GXYLT1: variants seen among roughly 807,000 people sequenced by gnomAD.
GXYLT1 encodes the protein glycosyltransferase 8 domain containing 3.
In GXYLT1, 29 loss-of-function variants were observed where a neutral mutation model predicts 54.0. The ratio of observed to expected loss-of-function variants is 0.54; its 90% CI spans 0.40 to 0.73. The LOEUF (loss-of-function observed/expected upper bound fraction) is 0.73. Among genes scored for constraint, GXYLT1 ranks in the 30% least tolerant of loss-of-function variants. The pLI is 0.00. For missense variants in GXYLT1, 490 were observed against 553.4 expected (o/e 0.89, Z 1.15); for synonymous variants, 176 against 204.1 (o/e 0.86, Z 1.17).
chr12:42,095,173 A>G (rs1043414811), intron 7 of GXYLT1, among the ~76,000 whole-genome samples: 44 of 152,236 alleles, frequency 2.9e-4, no homozygotes, highest in Non-Finnish European at 4.6e-4. Flanking sequence ...GATGTGGGGA[A>G]CAGACTGTCT....
At chr12:42,106,507 C>T (rs988319628) in intron 4 of GXYLT1, among the ~76,000 whole-genome samples, 6 of 152,028 alleles carry the variant, frequency 3.9e-5, no homozygotes, top group Non-Finnish European at 4.4e-5. Flanking sequence ...TACATCATTT[C>T]GGTTTCAACT....
chr12:42,140,111 G>T (rs946039038), intron 1 of GXYLT1, among the ~76,000 whole-genome samples: 1 of 149,000 alleles, frequency 6.7e-6, no homozygotes, highest in African/African-American at 2.5e-5. Flanking sequence ...AACCCGGGAG[G>T]CGGAGCTTGC....
At chr12:42,091,497 AC>A (rs2065329251) in intron 7 of GXYLT1, among the ~76,000 whole-genome samples, 1 of 152,114 alleles carries the variant, frequency 6.6e-6, no homozygotes, top group Non-Finnish European at 1.5e-5. Context: ...AAGTCTCAGA[AC>A]CCCACAAGCA....
At chr12:42,095,291 A>T (rs1434380659) in intron 7 of GXYLT1, among the ~76,000 whole-genome samples, 1 of 152,188 alleles carries the variant, frequency 6.6e-6, no homozygotes, top group African/African-American at 2.4e-5. Flanking sequence ...TCACCTTCCA[A>T]CAATACAAAT....
At chr12:42,088,255 G>A (rs1398338588) in intron 7 of GXYLT1, among the ~76,000 whole-genome samples, 1 of 151,494 alleles carries the variant, frequency 6.6e-6, no homozygotes, top group South Asian at 2.1e-4. Flanking sequence ...ACTAATAAAA[G>A]GTGGACTGGC....
intron 5 of GXYLT1, among the ~76,000 whole-genome samples, chr12:42,100,133 A>G (rs552845130): frequency 3.9e-5 from 6 of 152,306 alleles, no homozygotes; most frequent in Non-Finnish European, 7.4e-5. Flanking sequence ...ACTGAGTCCA[A>G]TGAGAACTTG....
chr12:42,131,672 T>C (rs1275653656), intron 1 of GXYLT1, among the ~76,000 whole-genome samples: 1 of 152,218 alleles, frequency 6.6e-6, no homozygotes, highest in East Asian at 1.9e-4. Context: ...TGTGTATGTA[T>C]CGGTAAAACT....
At chr12:42,139,948 G>A (rs951057379) in intron 1 of GXYLT1, among the ~76,000 whole-genome samples, 2 of 152,026 alleles carry the variant, frequency 1.3e-5, no homozygotes, top group African/African-American at 4.8e-5. Context: ...TTGGGAAGCC[G>A]AGGTGGGCGG....
At chr12:42,098,725 T>G (rs1031400987) in intron 5 of GXYLT1, among the ~76,000 whole-genome samples, 4 of 143,400 alleles carry the variant, frequency 2.8e-5, no homozygotes, top group African/African-American at 1.0e-4. Context: ...TCTTTCTACT[T>G]ATTTAAGTGT....
chr12:42,101,402 A>G (rs2065389145), intron 5 of GXYLT1, among the ~76,000 whole-genome samples: 1 of 152,194 alleles, frequency 6.6e-6, no homozygotes. Context: ...GGTACACACA[A>G]AAAGAGAAAA....
intron 2 of GXYLT1, among the ~76,000 whole-genome samples, chr12:42,123,485 A>C (rs951497440): frequency 6.6e-6 from 1 of 152,158 alleles, no homozygotes; most frequent in Non-Finnish European, 1.5e-5. Context: ...CAAAGTAAAA[A>C]TTTAGGAGGT....
chr12:42,097,370 T>G, intron 7 of GXYLT1, 72 bp downstream of exon 7: 1 of 1,210,358 alleles, frequency 8.3e-7, no homozygotes, highest in Non-Finnish European at 1.1e-6. Context: ...TTTGTACTAT[T>G]TTTGTAAACT....
chr12:42,102,549 T>TTTTA (rs1243675882), intron 5 of GXYLT1, among the ~76,000 whole-genome samples: 1 of 152,174 alleles, frequency 6.6e-6, no homozygotes, highest in African/African-American at 2.4e-5. Context: ...AATATAAAGC[T>TTTTA]GTATAAAAGA....
In GXYLT1 at chr12:42,083,128, T is replaced by A. The variant is rs1247446144; in HGVS notation, c.*4658A>T. Reference sequence around the variant, plus strand: ...TTAAACTGTTACATCTAATATGCTATTCTGTTTTTCTCATGAGTCTTTAAT... The same window carrying A: ...TTAAACTGTTACATCTAATATGCTAATCTGTTTTTCTCATGAGTCTTTAAT... On this transcript the variant is annotated 3_prime_UTR_variant, in exon 8 of 8. Coordinates refer to ENST00000398675, the MANE Select transcript of GXYLT1 (RefSeq NM_173601.2). The A allele has an allele frequency of 6.6e-6, 1 of 152,188 alleles. No homozygotes were observed. The highest frequency in any genetic ancestry group is 1.5e-5 in the Non-Finnish European group (1 of 68,022). The allele number at this position is 152,188 out of a possible 1,614,324, so 9.4% of individuals were successfully genotyped here. A position where few individuals can be genotyped will look rare whatever the true frequency, so the allele number is the denominator to read the frequency against.
intron 7 of GXYLT1, 91 bp from the exon 8 acceptor site, chr12:42,088,038 T>G (rs2065307349): frequency 8.9e-6 from 5 of 564,896 alleles, no homozygotes; most frequent in Non-Finnish European, 1.5e-5. Flanking sequence ...TCAATCAGTT[T>G]AATATGAACG....
chr12:42,088,173 A>G (rs1449500242), intron 7 of GXYLT1, among the ~76,000 whole-genome samples: 1 of 152,280 alleles, frequency 6.6e-6, no homozygotes, highest in African/African-American at 2.4e-5. Flanking sequence ...CCTGGAGAAC[A>G]TGCGCAAGGG....
chr12:42,110,819 CTTTCA>C (rs1261519599), intron 3 of GXYLT1, among the ~76,000 whole-genome samples: 1 of 152,210 alleles, frequency 6.6e-6, no homozygotes, highest in Non-Finnish European at 1.5e-5. Context: ...ATCTTAGTCA[CTTTCA>C]TTTAACATAT....
intron 1 of GXYLT1, among the ~76,000 whole-genome samples, chr12:42,136,429 G>A (rs954211041): frequency 6.6e-6 from 1 of 152,124 alleles, no homozygotes; most frequent in Non-Finnish European, 1.5e-5. Flanking sequence ...AGTTAGGTGG[G>A]TATGTCTTCA....
intron 2 of GXYLT1, among the ~76,000 whole-genome samples, chr12:42,126,880 G>GAAAAA (rs201058501): frequency 2.0e-5 from 1 of 50,386 alleles, no homozygotes; most frequent in Non-Finnish European, 4.5e-5. Context: ...CCTGTCTCAA[G>GAAAAA]AAAAAAAAAA....
Sources: allele counts gnomAD v4.1 joint callset (sites outside exome capture counted in the v4.1 genomes callset), GRCh38; gene constraint gnomAD v4.1.1; transcripts MANE v1.5; gene names NCBI Gene and HGNC (gene_info 2026-07-23, HGNC 2026-07-21).